The following DOCK1 variants were observed in gnomAD, a reference collection of about 807,000 sequenced individuals.
DOCK1 encodes the protein dedicator of cytokinesis 1, also known as dedicator of cytokinesis protein 1.
In DOCK1, 138 loss-of-function variants were observed where a neutral mutation model predicts 262.7. The ratio of observed to expected loss-of-function variants is 0.53; its 90% CI spans 0.46 to 0.61. DOCK1 has a LOEUF of 0.61. Ranked by LOEUF, DOCK1 falls within the 20% of genes least tolerant of loss-of-function variation. The pLI is 0.00. For synonymous variants in DOCK1, 866 were observed against 867.4 expected, an observed-to-expected ratio of 1.00 and a Z score of 0.03; for missense variants, 1,908 against 2,370.7, an observed-to-expected ratio of 0.80 and a Z score of 4.05.
intron 29 of DOCK1, among the ~76,000 whole-genome samples, chr10:127,303,212 A>T (rs953686295): frequency 6.6e-6 from 1 of 152,150 alleles, no homozygotes; most frequent in African/African-American, 2.4e-5. Context: ...CAGTCAGTGG[A>T]TGGAAAATTA....
At chr10:127,098,427 G>T (rs967976251) in intron 23 of DOCK1, among the ~76,000 whole-genome samples, 8 of 152,170 alleles carry the variant, frequency 5.3e-5, no homozygotes, top group Admixed American at 3.9e-4. Context: ...GGGTCCACAC[G>T]CTGTCCTGCC....
At chr10:127,244,824 G>A (rs182433147) in intron 27 of DOCK1, among the ~76,000 whole-genome samples, 134 of 152,276 alleles carry the variant, frequency 8.8e-4, no homozygotes, top group African/African-American at 3.0e-3. Flanking sequence ...CTCAGGGATG[G>A]TTCTGCACAG....
At chr10:127,074,173 T>C (rs533155299) in intron 23 of DOCK1, among the ~76,000 whole-genome samples, 1 of 152,354 alleles carries the variant, frequency 6.6e-6, no homozygotes, top group East Asian at 1.9e-4. Flanking sequence ...ATAGAATAAA[T>C]TACTTTTGTG....
rs962912036 is a variant in DOCK1, at chr10:127,218,369, A to AT, written c.2848-29630dup. 6.7e-4 allele frequency among the ~76,000 whole-genome samples: 101 copies of AT among 151,136 alleles called. No homozygotes were observed. In the East Asian group the frequency reaches 7.6e-3, roughly 11 times the overall value. ...CTTTTGAACTTCAAGGGATTTTTCCATTTTTTTTTGGTTGGAGGTGGTGAT... is the reference window on the plus strand; with the variant it reads ...CTTTTGAACTTCAAGGGATTTTTCCATTTTTTTTTTGGTTGGAGGTGGTGAT... On this transcript the variant is annotated intron_variant, in intron 27 of 51. Coordinates refer to ENST00000623213, the MANE Select transcript of DOCK1 (RefSeq NM_001290223.2).
At chr10:126,956,071 G>A (rs974891119) in intron 1 of DOCK1, among the ~76,000 whole-genome samples, 5 of 152,218 alleles carry the variant, frequency 3.3e-5, no homozygotes, top group Middle Eastern at 3.4e-3. Context: ...GTTCAGTTTC[G>A]GTCTGCAAGT....
chr10:127,371,618 G>A (rs1226862771), intron 33 of DOCK1, among the ~76,000 whole-genome samples: 5 of 152,130 alleles, frequency 3.3e-5, no homozygotes, highest in Non-Finnish European at 7.4e-5. Context: ...TACCTTTCTT[G>A]TTGTCTGTAC....
intron 29 of DOCK1, among the ~76,000 whole-genome samples, chr10:127,276,854 C>T (rs557838357): frequency 2.2e-5 from 3 of 135,492 alleles, no homozygotes; most frequent in Non-Finnish European, 5.3e-5. Flanking sequence ...ACGTTATGGG[C>T]CATTTCCTAT....
intron 38 of DOCK1, among the ~76,000 whole-genome samples, chr10:127,387,038 G>C (rs935140872): frequency 6.6e-6 from 1 of 152,194 alleles, no homozygotes; most frequent in Non-Finnish European, 1.5e-5. Flanking sequence ...GAATGGGCAG[G>C]GCAGGGCAGG....
chr10:127,394,153 A>AGAGTGAGAC (rs2066671755), intron 38 of DOCK1, among the ~76,000 whole-genome samples: 1 of 152,224 alleles, frequency 6.6e-6, no homozygotes, highest in South Asian at 2.1e-4. Context: ...AGATGCAGTC[A>AGAGTGAGAC]GAGTGAGACA....
chr10:126,912,604 T>G (rs1489616055), intron 1 of DOCK1, among the ~76,000 whole-genome samples: 1 of 151,316 alleles, frequency 6.6e-6, no homozygotes, highest in Non-Finnish European at 1.5e-5. Context: ...CGGGCGCCTG[T>G]GGTCCCAGCT....
chr10:127,253,955 C>T (rs752978330), intron 28 of DOCK1, among the ~76,000 whole-genome samples: 40 of 151,326 alleles, frequency 2.6e-4, no homozygotes, highest in African/African-American at 3.6e-4. Flanking sequence ...TATTTGCTTC[C>T]GTCATGTGTC....
At chr10:127,370,562 G>A (rs898684953) in intron 33 of DOCK1, among the ~76,000 whole-genome samples, 12 of 152,110 alleles carry the variant, frequency 7.9e-5, no homozygotes, top group Admixed American at 3.3e-4. Context: ...AAAATTATGC[G>A]TTCCAAACCA....
Position 127,006,381 on chromosome 10 carries a change from G to A in DOCK1, c.986-2351G>A, listed in dbSNP as rs573755520. On this transcript the variant is annotated intron_variant, in intron 10 of 51. Coordinates refer to ENST00000623213, the MANE Select transcript of DOCK1 (RefSeq NM_001290223.2). The stretch of plus-strand genomic sequence containing the variant: ...ATCACGCGGTGCCGTCTGTCTACCC[G>A]GCCTCTCCCTCACACAGCTGTACTG... Among the ~76,000 whole-genome samples the A allele has an allele frequency of 1.1e-4, 17 of 152,210 alleles. No individual in the cohort carries two copies. In the East Asian group the frequency reaches 3.3e-3, roughly 29 times the overall value.
chr10:127,227,440 C>G (rs1048938667), intron 27 of DOCK1, among the ~76,000 whole-genome samples: 1 of 152,184 alleles, frequency 6.6e-6, no homozygotes, highest in Non-Finnish European at 1.5e-5. Context: ...ACCCATCTGG[C>G]CTGGCAAGAA....
At chr10:127,289,290 T>C (rs1413498599) in intron 29 of DOCK1, among the ~76,000 whole-genome samples, 1 of 152,180 alleles carries the variant, frequency 6.6e-6, no homozygotes, top group Non-Finnish European at 1.5e-5. Flanking sequence ...TATAGAGATA[T>C]TTCTCATCAC....
chr10:127,070,250 C>T (rs1312802400), intron 23 of DOCK1, among the ~76,000 whole-genome samples: 7 of 92,946 alleles, frequency 7.5e-5, no homozygotes, highest in Admixed American at 3.0e-4. Flanking sequence ...GAATTTAGCC[C>T]TTTTTTTTTT....
At chr10:127,184,405 C>A (rs1002721433) in intron 27 of DOCK1, among the ~76,000 whole-genome samples, 1 of 149,982 alleles carries the variant, frequency 6.7e-6, no homozygotes, top group African/African-American at 2.5e-5. Flanking sequence ...GATTTCTTCC[C>A]TTTAGTTCCA....
At chr10:126,922,209 CAAA>C (rs1213635501) in intron 1 of DOCK1, among the ~76,000 whole-genome samples, 947 of 63,890 alleles carry the variant, frequency 0.015, 8 homozygotes, top group African/African-American at 0.052. Flanking sequence ...GACCCTGTAT[CAAA>C]AAAAAAAAAA....
chr10:127,329,668 G>A (rs909016593), intron 29 of DOCK1, among the ~76,000 whole-genome samples: 3 of 152,072 alleles, frequency 2.0e-5, no homozygotes, highest in Non-Finnish European at 2.9e-5. Context: ...CCTGATGTTC[G>A]CTGCTGGACA....
Sources: allele counts gnomAD v4.1 joint callset (sites outside exome capture counted in the v4.1 genomes callset), GRCh38; gene constraint gnomAD v4.1.1; transcripts MANE v1.5; gene names NCBI Gene and HGNC (gene_info 2026-07-23, HGNC 2026-07-21).